TCAF1: variants seen among roughly 807,000 people sequenced by gnomAD.
TCAF1 encodes the protein TRPM8 channel associated factor 1.
Under a neutral mutation model 27.3 loss-of-function variants are expected in TCAF1, and 4 were observed. The observed-to-expected ratio is 0.15, with a 90% CI of 0.07 to 0.34. The LOEUF (loss-of-function observed/expected upper bound fraction) is 0.34. Ranked by LOEUF, TCAF1 falls within the 10% of genes least tolerant of loss-of-function variation. TCAF1 has a pLI of 1.00. For synonymous variants in TCAF1, 105 were observed against 167.1 expected (o/e 0.63, Z 2.87); for missense variants, 257 against 425.8 (o/e 0.60, Z 3.49).
At chr7:143,878,634 C>T (rs1295908301) in intron 1 of TCAF1, among the ~76,000 whole-genome samples, 1 of 152,146 alleles carries the variant, frequency 6.6e-6, no homozygotes, top group Non-Finnish European at 1.5e-5. Flanking sequence ...CATTAATGAC[C>T]TACCTACCTC....
chr7:143,882,481 G>C (rs904397028), intron 1 of TCAF1: 24 of 985,416 alleles, frequency 2.4e-5, no homozygotes, highest in Non-Finnish European at 2.9e-5. Flanking sequence ...AGAACCTGGA[G>C]AGGAGGAGCA....
intron 6 of TCAF1, among the ~76,000 whole-genome samples, chr7:143,860,002 A>ATATATATATAATATATATTATATAT (rs1811895544): frequency 4.3e-4 from 2 of 4,656 alleles, no homozygotes; most frequent in African/African-American, 8.5e-4. Flanking sequence ...ATATTATATA[A>ATATATATATAATATATATTATATAT]TATATATATA....
At chr7:143,889,416 C>A (rs1432671969) in intron 1 of TCAF1, among the ~76,000 whole-genome samples, 2 of 152,286 alleles carry the variant, frequency 1.3e-5, no homozygotes, top group East Asian at 3.9e-4. Flanking sequence ...TCAGCTTACA[C>A]AATTCTGACT....
chr7:143,882,240 A>T (rs2116812022), intron 1 of TCAF1: 1 of 227,248 alleles, frequency 4.4e-6, no homozygotes, highest in African/African-American at 2.5e-5. Flanking sequence ...TCAAGTCTCC[A>T]GGGGCCAGTG....
chr7:143,887,852 C>T (rs894494742), intron 1 of TCAF1, among the ~76,000 whole-genome samples: 4 of 152,144 alleles, frequency 2.6e-5, no homozygotes, highest in African/African-American at 4.8e-5. Context: ...CAAGAGAGTA[C>T]ATACTATATT....
At chr7:143,894,305 TATC>T (rs1813779608) in intron 1 of TCAF1, among the ~76,000 whole-genome samples, 1 of 151,906 alleles carries the variant, frequency 6.6e-6, no homozygotes, top group East Asian at 1.9e-4. Flanking sequence ...ATAATACTAA[TATC>T]ATAAAACTTC....
intron 6 of TCAF1, among the ~76,000 whole-genome samples, 178 bp downstream of exon 6, chr7:143,860,030 T>TATA (rs1563212326): frequency 1.4e-4 from 5 of 35,340 alleles, no homozygotes; most frequent in African/African-American, 6.9e-4. Context: ...TTATATATTA[T>TATA]ATATATAATA....
At chr7:143,882,639 GCCTCCCGCCCTGC>G (rs1439824018) in intron 1 of TCAF1, 5 of 967,798 alleles carry the variant, frequency 5.2e-6, no homozygotes, top group Non-Finnish European at 4.9e-6. Flanking sequence ...CCCCGCCCCG[GCCTCCCGCCCTGC>G]CCTCCCCCCC....
chr7:143,900,100 C>G (rs1352169859), intron 1 of TCAF1, among the ~76,000 whole-genome samples: 1 of 152,150 alleles, frequency 6.6e-6, no homozygotes, highest in Non-Finnish European at 1.5e-5. Flanking sequence ...ACACATAAAT[C>G]TTATAACTCC....
intron 1 of TCAF1, among the ~76,000 whole-genome samples, chr7:143,896,315 C>T (rs370704505): frequency 6.6e-4 from 100 of 151,974 alleles, no homozygotes; most frequent in African/African-American, 2.2e-3. Flanking sequence ...TACAACAATT[C>T]ACTGATAACA....
At chr7:143,901,813 T>A (rs552093783) in intron 1 of TCAF1, 148 bp downstream of exon 1, 1 of 151,670 alleles carries the variant, frequency 6.6e-6, no homozygotes, top group East Asian at 2.0e-4. Flanking sequence ...CAGAGAAAAA[T>A]CATCAACGGG....
In TCAF1 at chr7:143,883,592, G is replaced by A. The variant is rs1813220422; in HGVS notation, c.-14-6970C>T. ...GCGATCTCGGCTCACTGCAACCTCC[G>A]CCTCCCGAGTTCAAGAGATTCTCCT... is the stretch of plus-strand genomic sequence containing the variant. On this transcript the variant is annotated intron_variant, in intron 1 of 8. Transcript: ENST00000479870. Among the ~76,000 whole-genome samples the A allele has an allele frequency of 3.9e-5, 5 of 128,272 alleles. No individual in the cohort carries two copies. In the South Asian group the frequency reaches 1.3e-3, roughly 34 times the overall value. The allele number at this position is 128,272 out of a possible 152,430, so 84.2% of individuals were successfully genotyped here.
intron 1 of TCAF1, among the ~76,000 whole-genome samples, chr7:143,893,632 G>A (rs1215588686): frequency 1.3e-5 from 2 of 151,800 alleles, no homozygotes; most frequent in Non-Finnish European, 1.5e-5. Flanking sequence ...CCCACGTTTG[G>A]AAATTAAGGA....
At chr7:143,882,609 G>A in intron 1 of TCAF1, 1 of 985,442 alleles carries the variant, frequency 1.0e-6, no homozygotes, top group Non-Finnish European at 1.2e-6. Context: ...GACCCACGGC[G>A]CACCCATCGC....
intron 1 of TCAF1, among the ~76,000 whole-genome samples, chr7:143,878,243 T>C (rs1812826633): frequency 1.3e-5 from 2 of 152,230 alleles, no homozygotes; most frequent in Admixed American, 6.5e-5. Context: ...ATGTGAATAA[T>C]AGAGAATTCT....
At chr7:143,888,434 C>T (rs1813512708) in intron 1 of TCAF1, among the ~76,000 whole-genome samples, 1 of 152,204 alleles carries the variant, frequency 6.6e-6, no homozygotes, top group Admixed American at 6.5e-5. Flanking sequence ...AAAGCTCACA[C>T]ACCAAAGGGG....
intron 1 of TCAF1, chr7:143,886,578 ATCAT>A: frequency 2.1e-6 from 2 of 970,940 alleles, no homozygotes; most frequent in Non-Finnish European, 2.4e-6. Flanking sequence ...AATCCTTAGG[ATCAT>A]TCCTCAAAAA....
intron 1 of TCAF1, among the ~76,000 whole-genome samples, chr7:143,892,005 A>G (rs1813657008): frequency 6.6e-6 from 1 of 152,206 alleles, no homozygotes; most frequent in Non-Finnish European, 1.5e-5. Context: ...CTAAAATTCT[A>G]TACACAAGAA....
intron 1 of TCAF1, among the ~76,000 whole-genome samples, chr7:143,888,111 G>C (rs147941857): frequency 1.7e-3 from 252 of 152,136 alleles, no homozygotes; most frequent in African/African-American, 5.9e-3. Context: ...ACTTTAATAA[G>C]GTGTTAAAAA....
Sources: allele counts gnomAD v4.1 joint callset (sites outside exome capture counted in the v4.1 genomes callset), GRCh38; gene constraint gnomAD v4.1.1; transcripts MANE v1.5; gene names NCBI Gene and HGNC (gene_info 2026-07-23, HGNC 2026-07-21).